EYS: variants seen among roughly 807,000 people sequenced by gnomAD.
EYS encodes the protein protein eyes shut homolog.
EYS carries 250 observed loss-of-function variants against 282.1 expected under a neutral mutation model. The observed-to-expected ratio is 0.89, with a 90% CI of 0.80 to 0.98. The LOEUF (loss-of-function observed/expected upper bound fraction) is 0.98, where lower values mean the gene tolerates loss of function less well. EYS is among the 50% of genes least tolerant of loss of function. EYS has a pLI of 0.00. For synonymous variants in EYS, 1,355 were observed against 1,282.9 expected (o/e 1.06, Z -1.20); for missense variants, 4,016 against 3,709.0 (o/e 1.08, Z -2.15).
chr6:63,979,009 C>T (rs764953830), intron 35 of EYS, among the ~76,000 whole-genome samples: 21 of 151,860 alleles, frequency 1.4e-4, no homozygotes, highest in Non-Finnish European at 3.1e-4. Flanking sequence ...AATACATACC[C>T]TGTTTGAAGC....
rs978563891 is a variant in EYS, at chr6:64,727,290, T to G, written c.3443+86088A>C. Among the ~76,000 whole-genome samples, 3 of 152,356 alleles carry G rather than the reference T, an allele frequency of 2.0e-5. No homozygotes were observed. The East Asian group carries it at 5.8e-4, about 29-fold the overall frequency. On this transcript the variant is annotated intron_variant, in intron 22 of 42. Transcript: ENST00000503581. ...TTCTGCATTGCGTAATTATGCTTTT[T>G]TTCAGAGATACAATTTCCTTCAGTT...
chr6:64,300,739 A>G (rs1015310674), intron 30 of EYS, among the ~76,000 whole-genome samples: 4 of 152,144 alleles, frequency 2.6e-5, no homozygotes, highest in Non-Finnish European at 5.9e-5. Context: ...CCTTCCCTCC[A>G]CCGCAGTGAT....
At chr6:65,648,843 A>G (rs1248887332) in intron 1 of EYS, among the ~76,000 whole-genome samples, 1 of 152,108 alleles carries the variant, frequency 6.6e-6, no homozygotes, top group Non-Finnish European at 1.5e-5. Flanking sequence ...AAGAAAGGGA[A>G]CAAAAGATTT....
intron 34 of EYS, among the ~76,000 whole-genome samples, chr6:63,985,727 A>C (rs1323976106): frequency 6.6e-6 from 1 of 151,750 alleles, no homozygotes. Flanking sequence ...GGCTAGCCAT[A>C]TGCAGAAGAT....
chr6:65,177,681 C>T (rs1001104677), intron 12 of EYS, among the ~76,000 whole-genome samples: 1 of 151,750 alleles, frequency 6.6e-6, no homozygotes, highest in Admixed American at 6.6e-5. Context: ...TAACCAGTTT[C>T]TCTAAATGGA....
At chr6:64,634,633 C>A (rs1248163345) in intron 22 of EYS, among the ~76,000 whole-genome samples, 1 of 151,568 alleles carries the variant, frequency 6.6e-6, no homozygotes, top group African/African-American at 2.4e-5. Context: ...CTGTCCAGCA[C>A]AGCTGGGATG....
At chr6:64,432,197 A>G (rs1774594613) in intron 28 of EYS, among the ~76,000 whole-genome samples, 1 of 152,122 alleles carries the variant, frequency 6.6e-6, no homozygotes, top group Admixed American at 6.6e-5. Flanking sequence ...ATTCTCCAGG[A>G]GACAGTTTTA....
chr6:64,597,196 A>G (rs1419056606), intron 24 of EYS, among the ~76,000 whole-genome samples: 1 of 152,234 alleles, frequency 6.6e-6, no homozygotes, highest in Non-Finnish European at 1.5e-5. Context: ...AATGGCTACC[A>G]TTAAAAAGAC....
intron 12 of EYS, among the ~76,000 whole-genome samples, chr6:65,110,043 T>C (rs1432134461): frequency 6.6e-6 from 1 of 152,192 alleles, no homozygotes; most frequent in Non-Finnish European, 1.5e-5. Flanking sequence ...TCTCAAACTA[T>C]GTTCTTGGCA....
rs572126623 is a variant in EYS, at chr6:63,813,882, C to T, written c.7229-7510G>A. The stretch of plus-strand genomic sequence containing the variant: ...CCAACCATCATGTTCAGCAGTGTAG[C>T]GTATCTTGAAATACACATTTAACTT... On this transcript the variant is annotated intron_variant, in intron 36 of 42. Transcript: ENST00000503581. Among the ~76,000 whole-genome samples, 265 of 152,262 alleles carry T rather than the reference C, an allele frequency of 1.7e-3. 1 individual carries two copies. Among genetic ancestry groups the T allele is most frequent in the Middle Eastern group, 3.4e-3 (1 of 294 alleles).
At chr6:64,691,282 T>C (rs1188974015) in intron 22 of EYS, among the ~76,000 whole-genome samples, 1 of 152,142 alleles carries the variant, frequency 6.6e-6, no homozygotes, top group Non-Finnish European at 1.5e-5. Flanking sequence ...TTTAACATGT[T>C]ACAAGTCTTA....
chr6:65,253,612 A>G (rs1423687216), intron 12 of EYS, among the ~76,000 whole-genome samples: 1 of 151,884 alleles, frequency 6.6e-6, no homozygotes, highest in African/African-American at 2.4e-5. Flanking sequence ...CATCATTGAA[A>G]TTATTCTAAA....
intron 35 of EYS, among the ~76,000 whole-genome samples, chr6:63,914,209 A>G (rs1355228841): frequency 1.3e-5 from 2 of 152,214 alleles, no homozygotes; most frequent in Non-Finnish European, 2.9e-5. Context: ...ATGACCTCTA[A>G]GTGTTTAAGT....
intron 26 of EYS, among the ~76,000 whole-genome samples, chr6:64,547,367 G>T (rs1485138688): frequency 6.6e-6 from 1 of 152,098 alleles, no homozygotes; most frequent in Non-Finnish European, 1.5e-5. Context: ...TTTTGACAGG[G>T]TGCTGACTGG....
chr6:64,745,750 A>G (rs1253531858), intron 22 of EYS, among the ~76,000 whole-genome samples: 5 of 152,184 alleles, frequency 3.3e-5, no homozygotes, highest in Non-Finnish European at 7.4e-5. Flanking sequence ...TTGAAATCTT[A>G]TAAAGGTTCT....
At chr6:64,564,406 T>C (rs1330380297) in intron 26 of EYS, among the ~76,000 whole-genome samples, 1 of 147,354 alleles carries the variant, frequency 6.8e-6, no homozygotes, top group African/African-American at 2.5e-5. Context: ...GCCTCCCAAG[T>C]AGTTGGGACT....
At chr6:65,474,873 G>T (rs567754224) in intron 5 of EYS, among the ~76,000 whole-genome samples, 286 of 152,182 alleles carry the variant, frequency 1.9e-3, no homozygotes, top group African/African-American at 6.4e-3. Flanking sequence ...AGAACTGGAA[G>T]TGAACGACAG....
chr6:65,284,541 T>C (rs11962494), intron 12 of EYS, among the ~76,000 whole-genome samples: 29,802 of 152,080 alleles, frequency 0.2, 3,522 homozygotes, highest in Middle Eastern at 0.27. Flanking sequence ...AACCCACCTA[T>C]GCTTCTCTGA....
chr6:64,476,514 A>G (rs903645136), intron 26 of EYS, among the ~76,000 whole-genome samples: 1 of 152,116 alleles, frequency 6.6e-6, no homozygotes, highest in African/African-American at 2.4e-5. Flanking sequence ...TCTGTTGCAG[A>G]GTGAAAAAAA....
Sources: allele counts gnomAD v4.1 joint callset (sites outside exome capture counted in the v4.1 genomes callset), GRCh38; gene constraint gnomAD v4.1.1; transcripts MANE v1.5; gene names NCBI Gene and HGNC (gene_info 2026-07-23, HGNC 2026-07-21).